The following PEBP4 variants were observed in gnomAD, a reference collection of about 807,000 sequenced individuals.
PEBP4 encodes the protein phosphatidylethanolamine binding protein 4.
Under a neutral mutation model 23.9 loss-of-function variants are expected in PEBP4, and 22 were observed. The ratio of observed to expected loss-of-function variants is 0.92; its 90% confidence interval spans 0.66 to 1.31. The LOEUF is 1.31. Ranked by LOEUF, PEBP4 falls within the 40% of genes most tolerant of loss-of-function variation. PEBP4 has a pLI of 0.00. For synonymous variants in PEBP4, 112 were observed against 99.3 expected (o/e 1.13, Z -0.76); for missense variants, 324 against 281.7 (o/e 1.15, Z -1.07).
intron 4 of PEBP4, among the ~76,000 whole-genome samples, chr8:22,770,138 G>A (rs1370125258): frequency 1.3e-5 from 2 of 152,222 alleles, no homozygotes; most frequent in Non-Finnish European, 2.9e-5. Context: ...AAGCCCACAG[G>A]GTACCAGGTC....
upstream of PEBP4, among the ~76,000 whole-genome samples, chr8:22,929,087 C>A (rs1809412621): frequency 6.6e-6 from 1 of 152,212 alleles, no homozygotes; most frequent in Non-Finnish European, 1.5e-5. Context: ...TAGTAGCCTC[C>A]TCACAAGATC....
chr8:22,890,841 T>A (rs1808478297), intron 3 of PEBP4, among the ~76,000 whole-genome samples: 2 of 152,210 alleles, frequency 1.3e-5, no homozygotes, highest in Admixed American at 1.3e-4. Flanking sequence ...TTCTTTTTTT[T>A]ATTTGAGATG....
At chr8:22,788,393 T>C (rs1190399369) in intron 4 of PEBP4, among the ~76,000 whole-genome samples, 1 of 152,174 alleles carries the variant, frequency 6.6e-6, no homozygotes, top group African/African-American at 2.4e-5. Context: ...GGAAGCCGTG[T>C]GGCTATGAGG....
chr8:22,748,508 C>G (rs187911339), intron 4 of PEBP4, among the ~76,000 whole-genome samples: 1 of 151,610 alleles, frequency 6.6e-6, no homozygotes, highest in Admixed American at 6.6e-5. Flanking sequence ...AATTTCCCAA[C>G]CTTCAGCTGC....
chr8:22,777,040 C>T (rs769421538), intron 4 of PEBP4, among the ~76,000 whole-genome samples: 17 of 151,860 alleles, frequency 1.1e-4, no homozygotes, highest in Non-Finnish European at 2.4e-4. Flanking sequence ...AGCTGAGGTC[C>T]GGAGGGAGGG....
chr8:22,883,270 A>G (rs970006896), intron 3 of PEBP4, among the ~76,000 whole-genome samples: 3 of 152,236 alleles, frequency 2.0e-5, no homozygotes, highest in African/African-American at 7.2e-5. Flanking sequence ...ATGTGAGAAC[A>G]GCCCCAAGGA....
intron 4 of PEBP4, among the ~76,000 whole-genome samples, chr8:22,743,716 T>G (rs1266836304): frequency 6.6e-6 from 1 of 151,948 alleles, no homozygotes; most frequent in African/African-American, 2.4e-5. Context: ...TTCTTAAGAG[T>G]GTCAACACTT....
At chr8:22,880,563 CG>C (rs11286072) in intron 3 of PEBP4, 51,780 of 152,098 alleles carry the variant, frequency 0.34, 8,977 homozygotes, top group Middle Eastern at 0.41. Flanking sequence ...CTTCCTGAAC[CG>C]GATCTCCATC....
intron 4 of PEBP4, among the ~76,000 whole-genome samples, chr8:22,751,636 G>C (rs1284703860): frequency 5.5e-5 from 6 of 109,632 alleles, no homozygotes; most frequent in African/African-American, 9.7e-5. Context: ...GTCTCTGTGT[G>C]TGTGTGTGTG....
intron 4 of PEBP4, among the ~76,000 whole-genome samples, chr8:22,804,130 G>A (rs994179477): frequency 5.3e-5 from 8 of 152,162 alleles, no homozygotes; most frequent in Admixed American, 6.5e-5. Flanking sequence ...AGTGGTTCAA[G>A]AGCAACCTGG....
At chr8:22,857,342 C>T (rs775864269) in intron 3 of PEBP4, among the ~76,000 whole-genome samples, 1 of 152,128 alleles carries the variant, frequency 6.6e-6, no homozygotes, top group Non-Finnish European at 1.5e-5. Context: ...CCATACGGGG[C>T]TCCATCACCT....
intron 4 of PEBP4, among the ~76,000 whole-genome samples, chr8:22,760,064 G>A (rs909510318): frequency 1.3e-5 from 2 of 152,132 alleles, no homozygotes; most frequent in African/African-American, 2.4e-5. Context: ...TGCTCTTATC[G>A]TTGCATTATT....
chr8:22,833,381 G>T (rs374851855), intron 3 of PEBP4, among the ~76,000 whole-genome samples: 52 of 152,182 alleles, frequency 3.4e-4, no homozygotes, highest in African/African-American at 1.1e-3. Flanking sequence ...ACTCAGGCTG[G>T]AGTGCAGTGG....
chr8:22,852,781 T>C lies in PEBP4; in HGVS notation c.259-35046A>G, dbSNP rs191876852. 2.0e-4 allele frequency among the ~76,000 whole-genome samples: 31 copies of C among 152,228 alleles called. No homozygotes were observed. In the East Asian group the frequency reaches 5.6e-3, roughly 27 times the overall value. On this transcript the variant is annotated intron_variant, in intron 3 of 6. Transcript: ENST00000256404. The stretch of plus-strand genomic sequence containing the variant: ...GCATCCGTCTAAATTTACCAGGTCC[T>C]GAGCAATTAACAATTAAAAAAAAAA...
intron 3 of PEBP4, among the ~76,000 whole-genome samples, chr8:22,827,768 C>A (rs1807003330): frequency 6.6e-6 from 1 of 152,204 alleles, no homozygotes; most frequent in Admixed American, 6.5e-5. Context: ...ACTGCTGGGT[C>A]ATATTGTAAA....
chr8:22,858,361 C>T (rs1807699886), intron 3 of PEBP4, among the ~76,000 whole-genome samples: 1 of 152,202 alleles, frequency 6.6e-6, no homozygotes, highest in Admixed American at 6.5e-5. Context: ...TAACCCTTAT[C>T]ATCAATCTCA....
chr8:22,835,579 A>G lies in PEBP4; in HGVS notation c.259-17844T>C, dbSNP rs1448717807. On this transcript the variant is annotated intron_variant, in intron 3 of 6. Transcript: ENST00000256404. The stretch of plus-strand genomic sequence containing the variant: ...GAATGGGACTGTTACAGAATCCTGG[A>G]GCACTGGAAGGAATAGGGATCATGT... Among the ~76,000 whole-genome samples the G allele has an allele frequency of 2.6e-5, 4 of 152,182 alleles. No homozygotes were observed. In the South Asian group the frequency reaches 8.3e-4, roughly 31 times the overall value.
chr8:22,728,693 G>T (rs886374564), intron 4 of PEBP4, among the ~76,000 whole-genome samples: 3 of 151,416 alleles, frequency 2.0e-5, no homozygotes, highest in African/African-American at 4.9e-5. Context: ...CGCCTCCCAG[G>T]TTCAAGCGAT....
chr8:22,917,835 C>G (rs1477542315), intron 3 of PEBP4, among the ~76,000 whole-genome samples: 1 of 152,208 alleles, frequency 6.6e-6, no homozygotes, highest in Non-Finnish European at 1.5e-5. Flanking sequence ...CCTATTTCCA[C>G]TGGGGTTGAC....
Sources: gnomAD v4.1 joint callset for allele counts (sites outside exome capture counted in the v4.1 genomes callset) on GRCh38, gnomAD v4.1.1 for gene constraint, MANE v1.5 for transcripts, NCBI Gene and HGNC (gene_info 2026-07-23, HGNC 2026-07-21) for gene names.